The following DOCK3 variants were observed in gnomAD, a reference collection of about 807,000 sequenced individuals.
The protein encoded by DOCK3 is dedicator of cytokinesis protein 3.
A neutral mutation model predicts 265.6 loss-of-function variants in DOCK3; 60 were observed. The ratio of observed to expected loss-of-function variants is 0.23; its 90% CI spans 0.18 to 0.28. The LOEUF is 0.28. DOCK3 is among the 10% of genes least tolerant of loss of function. DOCK3 has a pLI of 1.00. For missense variants in DOCK3, 1,981 were observed against 2,594.3 expected (o/e 0.76, Z 5.14); for synonymous variants, 881 against 938.0 (o/e 0.94, Z 1.11).
chr3:50,830,072 G>C (rs541702256), intron 2 of DOCK3, among the ~76,000 whole-genome samples: 2 of 152,228 alleles, frequency 1.3e-5, no homozygotes, highest in African/African-American at 4.8e-5. Flanking sequence ...CTGTTTTGAG[G>C]CTGAATTATC....
intron 51 of DOCK3, chr3:51,379,561 C>T (rs1315669908): frequency 1.0e-6 from 1 of 985,354 alleles, no homozygotes; most frequent in Non-Finnish European, 1.2e-6. Flanking sequence ...CTCCCCGAAG[C>T]CTGCTGCATG....
intron 32 of DOCK3, among the ~76,000 whole-genome samples, chr3:51,327,388 A>G (rs1446057728): frequency 2.0e-5 from 3 of 152,206 alleles, no homozygotes; most frequent in Non-Finnish European, 2.9e-5. Flanking sequence ...TATCAGAACT[A>G]TGCAGCTCAT....
At chr3:50,894,125 A>G (rs2048781324) in intron 4 of DOCK3, among the ~76,000 whole-genome samples, 1 of 152,118 alleles carries the variant, frequency 6.6e-6, no homozygotes, top group South Asian at 2.1e-4. Context: ...AACTTAAAGT[A>G]TAATTAAAAA....
intron 9 of DOCK3, among the ~76,000 whole-genome samples, chr3:51,124,741 A>G (rs2084186917): frequency 6.6e-6 from 1 of 152,192 alleles, no homozygotes; most frequent in African/African-American, 2.4e-5. Context: ...CTTGAAAGAC[A>G]GTTGGAATGA....
At chr3:50,869,667 C>T (rs6765221) in intron 3 of DOCK3, among the ~76,000 whole-genome samples, 4,907 of 150,550 alleles carry the variant, frequency 0.033, 250 homozygotes, top group African/African-American at 0.11. Context: ...CCACCATGTG[C>T]GACCTGATCT....
At chr3:51,298,029 G>C (rs2082193936) in intron 27 of DOCK3, among the ~76,000 whole-genome samples, 1 of 152,056 alleles carries the variant, frequency 6.6e-6, no homozygotes. Flanking sequence ...ACAAATATTG[G>C]TATTAATTCT....
intron 5 of DOCK3, among the ~76,000 whole-genome samples, chr3:50,978,985 T>G (rs1284351496): frequency 2.6e-5 from 4 of 152,190 alleles, no homozygotes; most frequent in Non-Finnish European, 1.5e-5. Context: ...AGTGAGGCAA[T>G]GCCTTACCCT....
intron 9 of DOCK3, among the ~76,000 whole-genome samples, chr3:51,122,960 C>T (rs1053619925): frequency 3.9e-5 from 6 of 152,208 alleles, no homozygotes; most frequent in Admixed American, 2.6e-4. Flanking sequence ...TCTTCTGAAA[C>T]CTGTCTCAAG....
chr3:51,048,730 C>T (rs1360136190), intron 5 of DOCK3, among the ~76,000 whole-genome samples: 1 of 152,020 alleles, frequency 6.6e-6, no homozygotes, highest in African/African-American at 2.4e-5. Context: ...TAAACTTACA[C>T]GTAAGTACTT....
intron 1 of DOCK3, among the ~76,000 whole-genome samples, chr3:50,726,575 G>T (rs2037842759): frequency 6.6e-6 from 1 of 152,138 alleles, no homozygotes; most frequent in Admixed American, 6.5e-5. Context: ...CCTAAGTCAG[G>T]CCAGTCTGCA....
chr3:51,089,104 AC>A, intron 7 of DOCK3, 138 bp from the exon 8 acceptor site: 1 of 921,960 alleles, frequency 1.1e-6, no homozygotes, highest in East Asian at 2.7e-5. Context: ...TACGAATAAC[AC>A]TTATTTTACA....
At position 51,361,645 on chromosome 3, in the gene DOCK3, C is replaced by T. The variant is rs958656903; in HGVS notation, c.5007-214C>T. On this transcript the variant is annotated intron_variant, in intron 47 of 52. Transcript: ENST00000266037. The surrounding 1 kb of genome is among the most constrained non-coding windows in gnomAD (Gnocchi z 4.2). ...GTAGGTAGAGGCTTGTCCAGTGTAC[C>T]ACACCATTGTCTCTCCCAGACCAAG... Among the ~76,000 whole-genome samples, 1 of 152,156 alleles carries T rather than the reference C, an allele frequency of 6.6e-6. No individual in the cohort carries two copies. The highest frequency in any genetic ancestry group is 2.4e-5 in the African/African-American group (1 of 41,410).
intron 5 of DOCK3, among the ~76,000 whole-genome samples, chr3:50,959,727 C>T (rs2076834534): frequency 1.3e-5 from 2 of 151,990 alleles, no homozygotes; most frequent in South Asian, 2.1e-4. Flanking sequence ...CTACAGGTGC[C>T]CGCCACCACG....
chr3:51,021,093 A>G (rs974953011), intron 5 of DOCK3, among the ~76,000 whole-genome samples: 1 of 151,948 alleles, frequency 6.6e-6, no homozygotes, highest in African/African-American at 2.4e-5. Flanking sequence ...GATTCTTCCT[A>G]TCCATGAGCA....
chr3:50,824,143 G>A (rs1222823995), intron 2 of DOCK3, among the ~76,000 whole-genome samples: 1 of 152,146 alleles, frequency 6.6e-6, no homozygotes, highest in Non-Finnish European at 1.5e-5. Context: ...CTGTTGGGTT[G>A]TATGGGGCTT....
In DOCK3 at chr3:51,381,356, C is replaced by T. The variant is rs1228292422; in HGVS notation, c.5890C>T (p.Pro1964Ser). 2 of 1,613,130 alleles carry T rather than the reference C, an allele frequency of 1.2e-6. No individual in the cohort carries two copies. The highest frequency in any genetic ancestry group is 1.7e-6 in the Non-Finnish European group (2 of 1,179,840). ...RSHSAPGCVI[P>S]QDPMDPPALP... ...CCACTCAGCCCCAGGGTGCGTCATC[C>T]CTCAGGACCCCATGGACCCGCCTGC... The change falls in exon 53 of 53, where the codon CCT becomes TCT. Residue 1964 changes from proline to serine, a missense_variant. By Grantham distance (74) the Pro-to-Ser change is moderately conservative. Coordinates refer to ENST00000266037, the MANE Select transcript of DOCK3 (RefSeq NM_004947.5). The surrounding 1 kb of genome is among the most constrained non-coding windows in gnomAD (Gnocchi z 5.6).
At chr3:51,379,524 T>G (rs2088434908) in intron 51 of DOCK3, 1 of 985,446 alleles carries the variant, frequency 1.0e-6, no homozygotes, top group Non-Finnish European at 1.2e-6. Flanking sequence ...TCTGCCCATA[T>G]GGGGCGCATC....
At chr3:50,990,209 G>T (rs1412388756) in intron 5 of DOCK3, among the ~76,000 whole-genome samples, 1 of 151,642 alleles carries the variant, frequency 6.6e-6, no homozygotes, top group Non-Finnish European at 1.5e-5. Context: ...GGGGGAGAAA[G>T]TAAAAACGAC....
At chr3:50,791,508 A>T (rs1458143827) in intron 2 of DOCK3, among the ~76,000 whole-genome samples, 7 of 152,046 alleles carry the variant, frequency 4.6e-5, no homozygotes, top group African/African-American at 2.4e-5. Flanking sequence ...TCCTGACCTC[A>T]GGTGATCCAC....
Sources: allele counts gnomAD v4.1 joint callset (sites outside exome capture counted in the v4.1 genomes callset), GRCh38; gene constraint gnomAD v4.1.1; non-coding constraint Gnocchi (gnomAD v3.1); transcripts MANE v1.5; gene names NCBI Gene and HGNC (gene_info 2026-07-23, HGNC 2026-07-21).